The following GMPPB variants were observed in gnomAD, a reference collection of about 807,000 sequenced individuals.
The protein encoded by GMPPB is GDP-mannose pyrophosphorylase B, also known as mannose-1-phosphate guanylyltransferase catalytic subunit beta.
A neutral mutation model predicts 40.3 loss-of-function variants in GMPPB; 38 were observed. The ratio of observed to expected loss-of-function variants is 0.94; its 90% CI spans 0.73 to 1.24. GMPPB has a LOEUF of 1.24. GMPPB is among the 50% of genes most tolerant of loss of function. The probability of loss-of-function intolerance (pLI) is 0.00; values close to 1 mark genes in which losing one functional copy is unlikely to be tolerated. For synonymous variants in GMPPB, 193 were observed against 191.8 expected, an observed-to-expected ratio of 1.01 and a Z score of -0.05; for missense variants, 436 against 487.1, an observed-to-expected ratio of 0.90 and a Z score of 0.99.
In GMPPB at chr3:49,721,717, G is replaced by C; in HGVS notation, c.*35C>G. 2 of 1,565,862 alleles carry C rather than the reference G, an allele frequency of 1.3e-6. No homozygotes were observed. The highest frequency in any genetic ancestry group is 1.7e-6 in the Non-Finnish European group (2 of 1,160,238). ...AGGCCAGCACTCCCCTTGCTGATGG[G>C]AAAACCGGGGCTCGGCCAGCCCCAC... On this transcript the variant is annotated 3_prime_UTR_variant, in exon 9 of 9. Coordinates refer to ENST00000308388, the MANE Select transcript of GMPPB (RefSeq NM_021971.4).
At chr3:49,723,556 G>T in intron 1 of GMPPB, 42 bp downstream of exon 1, 1 of 1,607,908 alleles carries the variant, frequency 6.2e-7, no homozygotes, top group Non-Finnish European at 8.5e-7. Context: ...CCCTAGTCCC[G>T]CCAGATCCGA....
At position 49,722,297 on chromosome 3, in the gene GMPPB, C is replaced by G; in HGVS notation, c.702G>C (p.Gln234His). Residue 234 changes from glutamine to histidine, a missense_variant, in exon 7 of 9, where the codon CAG (glutamine) becomes CAC (histidine). Physicochemically the swap from Gln to His is conservative, Grantham distance 24 (BLOSUM62 0). Coordinates refer to ENST00000308388, the MANE Select transcript of GMPPB (RefSeq NM_021971.4). ...DFLTGMCLFLQSLRQKQPERL... is the reference protein window; with the variant it reads ...DFLTGMCLFLHSLRQKQPERL... ...GCTCAGGCTGCTTCTGCCTCAGTGACTGCAGGAAGAGGCACATGCCAGTGA... is the reference window on the plus strand; with the variant it reads ...GCTCAGGCTGCTTCTGCCTCAGTGAGTGCAGGAAGAGGCACATGCCAGTGA... The G allele has an allele frequency of 6.2e-7, 1 of 1,614,026 alleles. No individual in the cohort carries two copies. Among genetic ancestry groups the G allele is most frequent in the Non-Finnish European group, 8.5e-7 (1 of 1,180,006 alleles).
chr3:49,721,274 C>T lies in GMPPB; in HGVS notation c.*478G>A. On this transcript the variant is annotated 3_prime_UTR_variant, in exon 9 of 9. Coordinates refer to ENST00000308388, the MANE Select transcript of GMPPB (RefSeq NM_021971.4). ...TCTGTAGAGGACTGGGAGAAGGGAG[C>T]CAATACGAGTACTACCTCCTCAGCT... 6.2e-7 allele frequency: 1 copy of T among 1,614,178 alleles called. No individual in the cohort carries two copies. The highest frequency in any genetic ancestry group is 8.5e-7 in the Non-Finnish European group (1 of 1,180,020).
chr3:49,723,133 T>C lies in GMPPB; in HGVS notation c.260-19A>G, dbSNP rs1559697680. ...GGCCCAGCTGGGGGAAGGGGACAGG[T>C]CACCACCTTGCTGGAGGTCTGAGTC... is the stretch of plus-strand genomic sequence containing the variant. On this transcript the variant is annotated intron_variant, in intron 3 of 8. Coordinates refer to ENST00000308388, the MANE Select transcript of GMPPB (RefSeq NM_021971.4). 6.2e-7 allele frequency: 1 copy of C among 1,613,470 alleles called. No homozygotes were observed. Among genetic ancestry groups the C allele is most frequent in the East Asian group, 2.2e-5 (1 of 44,866 alleles).
chr3:49,721,709 G>C lies in GMPPB; in HGVS notation c.*43C>G. 8 of 1,551,682 alleles carry C rather than the reference G, an allele frequency of 5.2e-6. No individual in the cohort carries two copies. Among genetic ancestry groups the C allele is most frequent in the Non-Finnish European group, 7.0e-6 (8 of 1,148,854 alleles). On this transcript the variant is annotated 3_prime_UTR_variant, in exon 9 of 9. Coordinates refer to ENST00000308388, the MANE Select transcript of GMPPB (RefSeq NM_021971.4). ...GATGTGTCAGGCCAGCACTCCCCTT[G>C]CTGATGGGAAAACCGGGGCTCGGCC...
rs756250028 is a variant in GMPPB at position 49,719,923 on chromosome 3, T to C, written c.*1829A>G. 1.7e-4 allele frequency: 30 copies of C among 176,994 alleles called. No individual in the cohort carries two copies. The highest frequency in any genetic ancestry group is 2.9e-4 in the Non-Finnish European group (24 of 82,386). The allele number at this position is 176,994 out of a possible 1,614,324, so 11.0% of individuals were successfully genotyped here. A position where few individuals can be genotyped will look rare whatever the true frequency, so the allele number is the denominator to read the frequency against. ...GGAGTCTGGAAGAATGTCTCCAAGC[T>C]GCTGTTAGTGTTTATTTGAAGTGAC... On this transcript the variant is annotated 3_prime_UTR_variant, in exon 9 of 9. Coordinates refer to ENST00000308388, the MANE Select transcript of GMPPB (RefSeq NM_021971.4).
Position 49,721,061 on chromosome 3 carries a change from C to T in GMPPB, c.*691G>A. 6.2e-7 allele frequency: 1 copy of T among 1,613,846 alleles called. No individual in the cohort carries two copies. Among genetic ancestry groups the T allele is most frequent in the South Asian group, 1.1e-5 (1 of 91,026 alleles). On this transcript the variant is annotated 3_prime_UTR_variant, in exon 9 of 9. Coordinates refer to ENST00000308388, the MANE Select transcript of GMPPB (RefSeq NM_021971.4). ...ACCTCTGCCCCATCTGCTATGCCCA[C>T]CCCATCTCTGCTGTGTTCCAGCCCT...
rs2080420693 is a variant in GMPPB, at chr3:49,722,007, A to G, written c.909T>C (p.Leu303=). 6.2e-7 allele frequency: 1 copy of G among 1,613,204 alleles called. No homozygotes were observed. Among genetic ancestry groups the G allele is most frequent in the Non-Finnish European group, 8.5e-7 (1 of 1,179,938 alleles). ...RDARIRSHSW[L]ESCIVGWRCR... is the part of the protein sequence containing the mutation. ...AGCGCCAGCCCACAATGCAGGACTC[A>G]AGCCAGGAATGGGAACGGATCCGGG... Residue 303 remains leucine (L), a synonymous_variant, in exon 8 of 9, where the codon CTT becomes CTC. Transcript: ENST00000308388.
In GMPPB at chr3:49,721,332, C is replaced by T; in HGVS notation, c.*420G>A. On this transcript the variant is annotated 3_prime_UTR_variant, in exon 9 of 9. Coordinates refer to ENST00000308388, the MANE Select transcript of GMPPB (RefSeq NM_021971.4). ...CCTCACAGCCTGTGCCATCCTGGAACCTCCACCTTTGAACCCAGAGCCAGG... is the reference window on the plus strand; with the variant it reads ...CCTCACAGCCTGTGCCATCCTGGAATCTCCACCTTTGAACCCAGAGCCAGG... The T allele has an allele frequency of 6.2e-7, 1 of 1,614,090 alleles. No individual in the cohort carries two copies. Among genetic ancestry groups the T allele is most frequent in the Non-Finnish European group, 8.5e-7 (1 of 1,179,960 alleles).
Position 49,720,922 on chromosome 3 carries a change from A to G in GMPPB, c.*830T>C. 6.2e-7 allele frequency: 1 copy of G among 1,612,834 alleles called. No individual in the cohort carries two copies. The highest frequency in any genetic ancestry group is 8.5e-7 in the Non-Finnish European group (1 of 1,178,902). On this transcript the variant is annotated 3_prime_UTR_variant, in exon 9 of 9. Coordinates refer to ENST00000308388, the MANE Select transcript of GMPPB (RefSeq NM_021971.4). ...GAGTGGGAACACGGTGCACAGGTCC[A>G]TGCCACTTGAATATGTGTGCACTCC...
At position 49,719,948 on chromosome 3, in the gene GMPPB, C is replaced by T. The variant is rs1455467485; in HGVS notation, c.*1804G>A. On this transcript the variant is annotated 3_prime_UTR_variant, in exon 9 of 9. Transcript: ENST00000308388. ...TGCTGTTAGTGTTTATTTGAAGTGA[C>T]TTTGAAGGACTGATAATATTATGGG... 1 of 168,468 alleles carries T rather than the reference C, an allele frequency of 5.9e-6. No individual in the cohort carries two copies. The highest frequency in any genetic ancestry group is 2.4e-5 in the African/African-American group (1 of 41,682). 10.4% of individuals were successfully genotyped at this position (168,468 alleles called of 1,614,324 possible).
rs1352467198 is a variant in GMPPB at position 49,720,648 on chromosome 3, A to G, written c.*1104T>C. On this transcript the variant is annotated 3_prime_UTR_variant, in exon 9 of 9. Transcript: ENST00000308388. ...CCTGACCGGAAGCGCTTCTCCCTGC[A>G]GAGCTGTGAGTGGGCTGGTGGGGCA... 1 of 1,599,540 alleles carries G rather than the reference A, an allele frequency of 6.3e-7. No homozygotes were observed. The highest frequency in any genetic ancestry group is 8.5e-7 in the Non-Finnish European group (1 of 1,169,836).
Position 49,721,542 on chromosome 3 carries a change from G to A in GMPPB, c.*210C>T. ...ATTATTCCATACAGCCCTGGCCCTG[G>A]CCCTTCTTGAGGGAGTGGGGTTTGT... On this transcript the variant is annotated 3_prime_UTR_variant, in exon 9 of 9. Coordinates refer to ENST00000308388, the MANE Select transcript of GMPPB (RefSeq NM_021971.4). The A allele has an allele frequency of 1.2e-6, 1 of 802,510 alleles. No homozygotes were observed. Among genetic ancestry groups the A allele is most frequent in the Non-Finnish European group, 2.1e-6 (1 of 473,712 alleles). 49.7% of individuals were successfully genotyped at this position (802,510 alleles called of 1,614,324 possible). A position where few individuals can be genotyped will look rare whatever the true frequency, so the allele number is the denominator to read the frequency against.
At position 49,721,151 on chromosome 3, in the gene GMPPB, T is replaced by C. The variant is rs763999469; in HGVS notation, c.*601A>G. The C allele has an allele frequency of 1.2e-6, 2 of 1,614,088 alleles. No individual in the cohort carries two copies. Among genetic ancestry groups the C allele is most frequent in the South Asian group, 1.1e-5 (1 of 91,076 alleles). ...GGTGGTGGGGAGAGCAGTAGGTACA[T>C]GCAGGGCAGTCCTCATCCCCTCCCC... On this transcript the variant is annotated 3_prime_UTR_variant, in exon 9 of 9. Coordinates refer to ENST00000308388, the MANE Select transcript of GMPPB (RefSeq NM_021971.4).
At position 49,720,568 on chromosome 3, in the gene GMPPB, A is replaced by G. The variant is rs754053523; in HGVS notation, c.*1184T>C. Reference sequence around the variant, plus strand: ...ATCCCTGCTTCCAGCTACGCTCAATATGCTATCTCCTGGGACAGCCAGAGC... The same window carrying G: ...ATCCCTGCTTCCAGCTACGCTCAATGTGCTATCTCCTGGGACAGCCAGAGC... On this transcript the variant is annotated 3_prime_UTR_variant, in exon 9 of 9. Transcript: ENST00000308388. 3.1e-6 allele frequency: 5 copies of G among 1,612,058 alleles called. No individual in the cohort carries two copies. Among genetic ancestry groups the G allele is most frequent in the African/African-American group, 1.3e-5 (1 of 74,992 alleles).
chr3:49,723,656 G>A lies in GMPPB; in HGVS notation c.71C>T (p.Pro24Leu), dbSNP rs2108213481. ...GGGCTTATTGCAGAAGTCCACCAGT[G>A]GCTTCGGGGTGCTCAGCGTCAGCGG... ...LRPLTLSTPK[P>L]LVDFCNKPIL... Residue 24 changes from proline to leucine, a missense_variant, in exon 1 of 9, where the codon CCA (proline) becomes CTA (leucine). Transcript: ENST00000308388. 1 of 1,582,110 alleles carries A rather than the reference G, an allele frequency of 6.3e-7. No individual in the cohort carries two copies. The highest frequency in any genetic ancestry group is 1.2e-5 in the South Asian group (1 of 86,210).
rs182316812 is a variant in GMPPB, at chr3:49,723,568, C to T, written c.129+30G>A. 1,140 of 1,605,954 alleles carry T rather than the reference C, an allele frequency of 7.1e-4. 5 individuals are homozygous for T. The African/African-American group carries it at 0.014, about 19-fold the overall frequency. Reference sequence around the variant, plus strand: ...CATCCCTAGTCCCGCCAGATCCGAACGCGACTCTGATCCCGACCCAGGGTC... The same window carrying T: ...CATCCCTAGTCCCGCCAGATCCGAATGCGACTCTGATCCCGACCCAGGGTC... On this transcript the variant is annotated intron_variant, in intron 1 of 8. Transcript: ENST00000308388.
Position 49,722,226 on chromosome 3 carries a change from C to T in GMPPB, c.768+5G>A. 6.2e-7 allele frequency: 1 copy of T among 1,612,248 alleles called. No homozygotes were observed. ...GGTTAATGATGGGCTGGGCAAGGGC[C>T]TCACCACCAGCACGTTGCCCACAAT... On this transcript the variant is annotated splice_donor_5th_base_variant and intron_variant, in intron 7 of 8. Transcript: ENST00000308388.
rs1009573938 is a variant in GMPPB at position 49,722,218 on chromosome 3, G to A, written c.768+13C>T. 3 of 1,611,336 alleles carry A rather than the reference G, an allele frequency of 1.9e-6. No individual in the cohort carries two copies. In the Admixed American group the frequency reaches 5.0e-5, roughly 27 times the overall value. ...ACTGAGGGGGTTAATGATGGGCTGG[G>A]CAAGGGCCTCACCACCAGCACGTTG... On this transcript the variant is annotated intron_variant, in intron 7 of 8. Transcript: ENST00000308388.
Sources: gnomAD v4.1 joint callset for allele counts on GRCh38, gnomAD v4.1.1 for gene constraint, MANE v1.5 for transcripts, NCBI Gene and HGNC (gene_info 2026-07-23, HGNC 2026-07-21) for gene names.